Variants in GRIK1 observed in about 807,000 individuals in gnomAD.
The protein encoded by GRIK1 is glutamate receptor ionotropic, kainate 1.
Under a neutral mutation model 105.7 loss-of-function variants are expected in GRIK1, and 69 were observed. The ratio of observed to expected loss-of-function variants is 0.65; its 90% CI spans 0.54 to 0.80. The LOEUF (loss-of-function observed/expected upper bound fraction) is 0.80, where lower values mean the gene tolerates loss of function less well. Ranked by LOEUF, GRIK1 falls within the 30% of genes least tolerant of loss-of-function variation. The pLI is 0.00. For synonymous variants in GRIK1, 438 were observed against 431.3 expected (o/e 1.02, Z -0.19); for missense variants, 1,109 against 1,167.3 (o/e 0.95, Z 0.73).
intron 14 of GRIK1, among the ~76,000 whole-genome samples, chr21:29,568,749 T>G (rs2146204895): frequency 6.6e-6 from 1 of 152,334 alleles, no homozygotes; most frequent in South Asian, 2.1e-4. Flanking sequence ...AACCACATGT[T>G]GTGTTGTATT....
At chr21:29,775,615 A>G (rs554218961) in intron 1 of GRIK1, among the ~76,000 whole-genome samples, 2 of 152,270 alleles carry the variant, frequency 1.3e-5, no homozygotes, top group Non-Finnish European at 2.9e-5. Flanking sequence ...GGCAACAGGA[A>G]AGGCCAGGTC....
intron 14 of GRIK1, among the ~76,000 whole-genome samples, chr21:29,572,764 C>CT (rs1006767854): frequency 3.1e-4 from 46 of 147,896 alleles, no homozygotes; most frequent in South Asian, 8.6e-4. Flanking sequence ...CTCAATTGGT[C>CT]TTTTTTTTTT....
chr21:29,577,018 T>G lies in GRIK1; in HGVS notation c.2076A>C (p.Gln692His). 3 of 1,613,956 alleles carry G rather than the reference T, an allele frequency of 1.9e-6. No homozygotes were observed. The South Asian group carries it at 3.3e-5, about 18-fold the overall frequency. Residue 692 changes from glutamine to histidine, a missense_variant, in exon 14 of 18, where the codon CAA becomes CAC. By Grantham distance (24) the Gln-to-His change is conservative (BLOSUM62 0). Around this residue, in one of 5 missense-constraint regions of GRIK1, gnomAD observed 264 missense variants for 306.9 expected, o/e 0.86. Transcript: ENST00000327783. ...PIDSADDLAKQTKIEYGAVRD... is the reference protein window; with the variant it reads ...PIDSADDLAKHTKIEYGAVRD... ...TAACCGCCCCATATTCTATCTTGGTTTGCTTTGCCAGATCATCTGCCGAAT... is the reference window on the plus strand; with the variant it reads ...TAACCGCCCCATATTCTATCTTGGTGTGCTTTGCCAGATCATCTGCCGAAT...
chr21:29,760,343 C>T (rs916566932), intron 1 of GRIK1: 36 of 152,248 alleles, frequency 2.4e-4, no homozygotes, highest in African/African-American at 6.8e-4. Flanking sequence ...GTGGCAATTT[C>T]CAAGGGGACC....
intron 1 of GRIK1, among the ~76,000 whole-genome samples, chr21:29,747,949 T>C (rs906310813): frequency 6.6e-6 from 1 of 152,190 alleles, no homozygotes; most frequent in Non-Finnish European, 1.5e-5. Context: ...GCAACCTTTT[T>C]CTCCCTTAGA....
At chr21:29,699,750 G>C (rs1451369295) in intron 1 of GRIK1, among the ~76,000 whole-genome samples, 1 of 151,782 alleles carries the variant, frequency 6.6e-6, no homozygotes. Flanking sequence ...CCGGGTTCAA[G>C]AAATTCTCCT....
chr21:29,682,348 T>C (rs2063397053), intron 3 of GRIK1, among the ~76,000 whole-genome samples: 1 of 152,236 alleles, frequency 6.6e-6, no homozygotes. Context: ...ATGTTCTCAA[T>C]ATCCACATAT....
intron 16 of GRIK1, among the ~76,000 whole-genome samples, chr21:29,549,298 T>C (rs923630700): frequency 1.6e-4 from 25 of 152,228 alleles, no homozygotes; most frequent in Non-Finnish European, 2.9e-4. Flanking sequence ...TAAAAACTCA[T>C]GTTTACTATC....
At chr21:29,930,673 G>C (rs1685920263) in intron 1 of GRIK1, among the ~76,000 whole-genome samples, 1 of 152,178 alleles carries the variant, frequency 6.6e-6, no homozygotes, top group South Asian at 2.1e-4. Flanking sequence ...AAGTATAATA[G>C]TTGAAGACCA....
chr21:29,538,136 A>G (rs1035844608), intron 16 of GRIK1, among the ~76,000 whole-genome samples: 1 of 151,848 alleles, frequency 6.6e-6, no homozygotes, highest in African/African-American at 2.4e-5. Context: ...CATGCATAGT[A>G]CATAAATGGA....
At position 29,684,134 on chromosome 21, in the gene GRIK1, T is replaced by C. The variant is rs192970185; in HGVS notation, c.544+5594A>G. On this transcript the variant is annotated intron_variant, in intron 3 of 17. Transcript: ENST00000327783. ...TACTAAATATTTACTATATATTTTG[T>C]TCATTAGAGAAACAGACTGTGGATT... 5.3e-5 allele frequency among the ~76,000 whole-genome samples: 8 copies of C among 152,342 alleles called. 1 individual carries two copies. The East Asian group carries it at 1.5e-3, about 29-fold the overall frequency.
At chr21:29,753,255 T>C (rs2065250235) in intron 1 of GRIK1, among the ~76,000 whole-genome samples, 2 of 152,354 alleles carry the variant, frequency 1.3e-5, no homozygotes, top group Non-Finnish European at 2.9e-5. Context: ...TCTTCATGTA[T>C]AATAAAATAT....
chr21:29,889,513 T>A (rs1377654302), intron 1 of GRIK1, among the ~76,000 whole-genome samples: 1 of 151,946 alleles, frequency 6.6e-6, no homozygotes, highest in Non-Finnish European at 1.5e-5. Flanking sequence ...TTTTTTCTCC[T>A]CCACCTCTTG....
In GRIK1 at chr21:29,852,930, A is replaced by G. The variant is rs542376506; in HGVS notation, c.118+86453T>C. On this transcript the variant is annotated intron_variant, in intron 1 of 17. Transcript: ENST00000327783. ...ATAAACTATGTAGAGTGTCTAGATA[A>G]AAACCTTTTGGTAATGTAATTCATT... Among the ~76,000 whole-genome samples the G allele has an allele frequency of 6.2e-4, 95 of 152,334 alleles. 1 individual carries two copies. Among genetic ancestry groups the G allele is most frequent in the South Asian group, 2.1e-3 (10 of 4,824 alleles).
chr21:29,613,438 A>G (rs530803749), intron 7 of GRIK1, among the ~76,000 whole-genome samples: 94 of 152,200 alleles, frequency 6.2e-4, no homozygotes, highest in Non-Finnish European at 1.1e-3. Context: ...CTACACCATA[A>G]GAATCACTGG....
intron 1 of GRIK1, among the ~76,000 whole-genome samples, chr21:29,796,743 G>A (rs2066569124): frequency 6.6e-6 from 1 of 152,162 alleles, no homozygotes; most frequent in Non-Finnish European, 1.5e-5. Context: ...GAGGCCAAAA[G>A]TTCGAGACCA....
intron 1 of GRIK1, among the ~76,000 whole-genome samples, chr21:29,728,608 A>G (rs916250514): frequency 1.3e-5 from 2 of 152,192 alleles, no homozygotes; most frequent in African/African-American, 4.8e-5. Flanking sequence ...ATAGCTTATA[A>G]GTGGAGAATG....
chr21:29,780,256 C>T (rs1218557346), intron 1 of GRIK1, among the ~76,000 whole-genome samples: 1 of 152,136 alleles, frequency 6.6e-6, no homozygotes. Flanking sequence ...CCACGTTCCC[C>T]TTTTCAGCCA....
intron 4 of GRIK1, among the ~76,000 whole-genome samples, chr21:29,664,319 G>A (rs2063020435): frequency 6.6e-6 from 1 of 152,136 alleles, no homozygotes; most frequent in Admixed American, 6.6e-5. Context: ...TATCACACCT[G>A]TAGTTTTGCC....
Sources: gnomAD v4.1 joint callset for allele counts (sites outside exome capture counted in the v4.1 genomes callset) on GRCh38, gnomAD v4.1.1 for gene constraint, gnomAD v4.1.1 regional missense constraint, MANE v1.5 for transcripts, NCBI Gene and HGNC (gene_info 2026-07-23, HGNC 2026-07-21) for gene names.